DHX37: variants seen among roughly 807,000 people sequenced by gnomAD.
DHX37 encodes probable ATP-dependent RNA helicase DHX37.
DHX37 carries 52 observed loss-of-function variants against 134.3 expected under a neutral mutation model. The ratio of observed to expected loss-of-function variants is 0.39; its 90% CI spans 0.31 to 0.49. The LOEUF is 0.49. Ranked by LOEUF, DHX37 falls within the 20% of genes least tolerant of loss-of-function variation. The probability of loss-of-function intolerance (pLI) is 0.93; values close to 1 mark genes in which losing one functional copy is unlikely to be tolerated. For synonymous variants in DHX37, 634 were observed against 670.7 expected, an observed-to-expected ratio of 0.95 and a Z score of 0.85; for missense variants, 1,344 against 1,580.8, an observed-to-expected ratio of 0.85 and a Z score of 2.54.
rs1027512102 is a variant in DHX37, at chr12:124,949,958, A to C, written c.3290+28T>G. 6.3e-7 allele frequency: 1 copy of C among 1,589,188 alleles called. No homozygotes were observed. The highest frequency in any genetic ancestry group is 1.3e-5 in the African/African-American group (1 of 74,270). On this transcript the variant is annotated intron_variant, in intron 25 of 26. Transcript: ENST00000308736. This position sits in a 1 kb window ranked among gnomAD's most constrained non-coding sequence, Gnocchi z 4.0. ...TTCAGGCCTCGGACCCCTCCTGCCC[A>C]CTGCGAGGCTCCCACCGAAGGCAGT...
chr12:124,980,513 C>T lies in DHX37; in HGVS notation c.715G>A (p.Val239Met), dbSNP rs370509819. 20 of 1,610,706 alleles carry T rather than the reference C, an allele frequency of 1.2e-5. No individual in the cohort carries two copies. Among genetic ancestry groups the T allele is most frequent in the Middle Eastern group, 1.8e-4 (1 of 5,508 alleles). Residue 239 changes from valine to methionine, a missense_variant, in exon 4 of 27, where the codon GTG (valine) becomes ATG (methionine). By Grantham distance (21) the Val-to-Met change is conservative. Around this residue, in one of 7 missense-constraint regions of DHX37, gnomAD observed 77 missense variants for 121.6 expected, o/e 0.63. Coordinates refer to ENST00000308736, the MANE Select transcript of DHX37 (RefSeq NM_032656.4). This position sits in a 1 kb window ranked among gnomAD's most constrained non-coding sequence, Gnocchi z 5.3. Reference protein sequence around the residue: ...ALAKPAVFIPVNRSPEMQEER... With the variant: ...ALAKPAVFIPMNRSPEMQEER... ...ACCTGCATTTCCGGGGAGCGGTTCACGGGGATGAAGACGGCGGGCTTAGCC... is the reference window on the plus strand; with the variant it reads ...ACCTGCATTTCCGGGGAGCGGTTCATGGGGATGAAGACGGCGGGCTTAGCC...
intron 15 of DHX37, among the ~76,000 whole-genome samples, chr12:124,961,565 A>AT (rs1248238350): frequency 6.6e-6 from 1 of 152,124 alleles, no homozygotes; most frequent in Non-Finnish European, 1.5e-5. Flanking sequence ...AGTAGCTGGG[A>AT]TTACAAGTGC....
At chr12:124,977,596 G>A in intron 4 of DHX37, 106 bp from the exon 5 acceptor site, 1 of 1,319,256 alleles carries the variant, frequency 7.6e-7, no homozygotes, top group Non-Finnish European at 9.9e-7. Flanking sequence ...AGATGTGCCT[G>A]CTGGGGAACA....
chr12:124,979,705 G>A (rs1264427973), intron 4 of DHX37, among the ~76,000 whole-genome samples: 2 of 152,220 alleles, frequency 1.3e-5, no homozygotes, highest in Non-Finnish European at 2.9e-5. Context: ...CCAAGGGATG[G>A]CAGGGACACG....
intron 3 of DHX37, among the ~76,000 whole-genome samples, chr12:124,982,264 A>G (rs1954775380): frequency 6.6e-6 from 1 of 152,174 alleles, no homozygotes; most frequent in African/African-American, 2.4e-5. Context: ...GGGACTCTAC[A>G]CCACAGGAAA....
At chr12:124,970,932 T>A (rs1217974576) in intron 8 of DHX37, among the ~76,000 whole-genome samples, 1 of 152,212 alleles carries the variant, frequency 6.6e-6, no homozygotes, top group Non-Finnish European at 1.5e-5. Flanking sequence ...TCCGGGAGCC[T>A]GGCCCTTGGC....
chr12:124,971,626 G>A (rs1323377607), intron 7 of DHX37, among the ~76,000 whole-genome samples: 1 of 152,196 alleles, frequency 6.6e-6, no homozygotes, highest in Non-Finnish European at 1.5e-5. Flanking sequence ...CAGTTGGACA[G>A]CAGGTGCCAC....
intron 5 of DHX37, 110 bp downstream of exon 5, chr12:124,977,232 A>C: frequency 1.5e-6 from 2 of 1,345,028 alleles, no homozygotes; most frequent in Non-Finnish European, 2.0e-6. Context: ...CACAGCATGC[A>C]CAGGGCAGAT....
chr12:124,977,025 G>T (rs1450008678), intron 5 of DHX37, among the ~76,000 whole-genome samples: 1 of 133,424 alleles, frequency 7.5e-6, no homozygotes, highest in Non-Finnish European at 1.5e-5. Flanking sequence ...CAGCCGGGGT[G>T]ACACAGCGAG....
intron 18 of DHX37, 83 bp from the exon 19 acceptor site, chr12:124,954,294 GGACAGGCTCA>G (rs1594475094): frequency 6.7e-7 from 1 of 1,501,128 alleles, no homozygotes; most frequent in Non-Finnish European, 8.9e-7. Flanking sequence ...TTATTCATCG[GGACAGGCTCA>G]GAGGCCTTGT....
At chr12:124,975,638 T>C in intron 5 of DHX37, 127 bp from the exon 6 acceptor site, 1 of 939,724 alleles carries the variant, frequency 1.1e-6, no homozygotes, top group Non-Finnish European at 1.6e-6. Flanking sequence ...TGGGAAACAG[T>C]GCCAGGTTGC....
chr12:124,985,060 G>A (rs1272447691), intron 2 of DHX37, among the ~76,000 whole-genome samples: 1 of 152,138 alleles, frequency 6.6e-6, no homozygotes, highest in Non-Finnish European at 1.5e-5. Context: ...GCCGCCAGGA[G>A]CAGGAAGAGG....
intron 6 of DHX37, among the ~76,000 whole-genome samples, chr12:124,973,734 C>T (rs1264734029): frequency 2.7e-5 from 4 of 149,778 alleles, no homozygotes; most frequent in South Asian, 2.1e-4. Context: ...CTCCGCCTCT[C>T]GGGTTCAAGG....
Position 124,964,927 on chromosome 12 carries a change from T to C in DHX37, c.1812+3A>G, listed in dbSNP as rs758381443. The C allele has an allele frequency of 5.7e-6, 9 of 1,589,498 alleles. No homozygotes were observed. Among genetic ancestry groups the C allele is most frequent in the Non-Finnish European group, 7.7e-6 (9 of 1,169,606 alleles). ...AAGCTGGGCACCGGCCCAGCACGGT[T>C]ACCTGTGCTTGCTTCTCTGGGGCCA... On this transcript the variant is annotated splice_donor_region_variant and intron_variant, in intron 14 of 26. Transcript: ENST00000308736.
chr12:124,973,385 C>CA (rs1266272744), intron 6 of DHX37, among the ~76,000 whole-genome samples: 1 of 149,220 alleles, frequency 6.7e-6, no homozygotes. Flanking sequence ...GCCTGGGTGA[C>CA]AAAGTGAAAC....
At position 124,947,495 on chromosome 12, in the gene DHX37, G is replaced by A. The variant is rs1953898271; in HGVS notation, c.*307C>T. The A allele has an allele frequency of 3.5e-6, 1 of 282,736 alleles. No individual in the cohort carries two copies. Among genetic ancestry groups the A allele is most frequent in the Non-Finnish European group, 6.6e-6 (1 of 152,346 alleles). 17.5% of individuals were successfully genotyped at this position (282,736 alleles called of 1,614,324 possible). A position where few individuals can be genotyped will look rare whatever the true frequency, so the allele number is the denominator to read the frequency against. On this transcript the variant is annotated 3_prime_UTR_variant, in exon 27 of 27. Transcript: ENST00000308736. ...AGGGACTGCAGAGATCTCCAGCCCT[G>A]CTGCTCCACAGGGGACTAATGTAGT...
chr12:124,969,796 A>G (rs1007972369), intron 8 of DHX37, among the ~76,000 whole-genome samples: 4 of 151,966 alleles, frequency 2.6e-5, no homozygotes, highest in African/African-American at 9.7e-5. Flanking sequence ...ACACAGAGTG[A>G]CCATGGTCCA....
intron 16 of DHX37, among the ~76,000 whole-genome samples, chr12:124,958,464 T>C (rs1954149379): frequency 6.6e-6 from 1 of 152,098 alleles, no homozygotes; most frequent in African/African-American, 2.4e-5. Context: ...GCCCTGACAC[T>C]TTTTATCCAC....
At chr12:124,965,156 C>T (rs1396251426) in intron 13 of DHX37, 150 bp from the exon 14 acceptor site, 4 of 858,084 alleles carry the variant, frequency 4.7e-6, no homozygotes, top group African/African-American at 1.7e-5. Flanking sequence ...CCAGCCAGGC[C>T]AAGCCTGGGG....
Sources: allele counts gnomAD v4.1 joint callset (sites outside exome capture counted in the v4.1 genomes callset), GRCh38; gene constraint gnomAD v4.1.1; regional missense constraint gnomAD v4.1.1; non-coding constraint Gnocchi (gnomAD v3.1); transcripts MANE v1.5; gene names NCBI Gene and HGNC (gene_info 2026-07-23, HGNC 2026-07-21).